PPP1R12B: variants seen among roughly 807,000 people sequenced by gnomAD.
PPP1R12B encodes myosin phosphatase target subunit 2.
A neutral mutation model predicts 126.1 loss-of-function variants in PPP1R12B; 76 were observed. The ratio of observed to expected loss-of-function variants is 0.60; its 90% CI spans 0.50 to 0.73. PPP1R12B has a LOEUF of 0.73. PPP1R12B is among the 30% of genes least tolerant of loss of function. The probability of loss-of-function intolerance (pLI) is 0.00; values close to 1 mark genes in which losing one functional copy is unlikely to be tolerated. For missense variants in PPP1R12B, 1,052 were observed against 1,205.1 expected (o/e 0.87, Z 1.88); for synonymous variants, 356 against 434.7 (o/e 0.82, Z 2.25).
intron 18 of PPP1R12B, among the ~76,000 whole-genome samples, chr1:202,517,460 A>T (rs540561162): frequency 5.4e-4 from 82 of 152,256 alleles, no homozygotes; most frequent in African/African-American, 1.9e-3. Context: ...TTTCCTAAAA[A>T]TATTGGGGCT....
intron 1 of PPP1R12B, among the ~76,000 whole-genome samples, chr1:202,359,983 C>T (rs536883712): frequency 2.0e-5 from 3 of 152,008 alleles, no homozygotes; most frequent in Admixed American, 6.6e-5. Context: ...TTGATTGATA[C>T]GTATTTTAAT....
At chr1:202,382,490 C>CAA (rs753837011) in intron 1 of PPP1R12B, among the ~76,000 whole-genome samples, 3 of 122,800 alleles carry the variant, frequency 2.4e-5, no homozygotes, top group East Asian at 4.7e-4. Context: ...AATAAAAAGG[C>CAA]AAAAAAAAAA....
At chr1:202,371,481 AGTGTGT>A (rs373210842) in intron 1 of PPP1R12B, among the ~76,000 whole-genome samples, 4 of 148,428 alleles carry the variant, frequency 2.7e-5, no homozygotes, top group African/African-American at 5.0e-5. Context: ...CATTATTTGG[AGTGTGT>A]GTGTGTGTGT....
chr1:202,368,148 T>G (rs972760501), intron 1 of PPP1R12B, among the ~76,000 whole-genome samples: 3 of 152,042 alleles, frequency 2.0e-5, no homozygotes, highest in East Asian at 1.9e-4. Flanking sequence ...TTTTTGTATT[T>G]TTAGTAGAAA....
chr1:202,398,020 T>C (rs897938552), intron 1 of PPP1R12B, among the ~76,000 whole-genome samples: 1 of 152,210 alleles, frequency 6.6e-6, no homozygotes, highest in Admixed American at 6.5e-5. Context: ...CAAGTGATTC[T>C]CCCACCTCAG....
Position 202,540,310 on chromosome 1 carries a change from C to T in PPP1R12B, c.2491-18567C>T, listed in dbSNP as rs745756198. ...AGGTAGAGAATGTGTATATATATAA[C>T]TTGGGGCATTAGGTTTAGAGCAAAG... On this transcript the variant is annotated intron_variant, in intron 18 of 23. Transcript: ENST00000608999. 1.3e-5 allele frequency: 17 copies of T among 1,299,448 alleles called. No homozygotes were observed. In the South Asian group the frequency reaches 2.3e-4, roughly 17 times the overall value. 80.5% of individuals were successfully genotyped at this position (1,299,448 alleles called of 1,614,324 possible).
chr1:202,557,383 G>T (rs1200404642), intron 18 of PPP1R12B, among the ~76,000 whole-genome samples: 1 of 152,152 alleles, frequency 6.6e-6, no homozygotes, highest in African/African-American at 2.4e-5. Flanking sequence ...GAGAAAGTAG[G>T]CAATGATAGT....
chr1:202,553,494 A>G (rs1686531737), intron 18 of PPP1R12B, among the ~76,000 whole-genome samples: 1 of 152,214 alleles, frequency 6.6e-6, no homozygotes, highest in East Asian at 1.9e-4. Flanking sequence ...TAACCTACCA[A>G]TTGGAGAAAA....
rs1283948225 is a variant in PPP1R12B at position 202,348,705 on chromosome 1, A to C, written c.-147A>C. 9.9e-7 allele frequency: 1 copy of C among 1,012,178 alleles called. No individual in the cohort carries two copies. The highest frequency in any genetic ancestry group is 3.0e-5 in the Admixed American group (1 of 33,482). 62.7% of individuals were successfully genotyped at this position (1,012,178 alleles called of 1,614,324 possible). A position where few individuals can be genotyped will look rare whatever the true frequency, so the allele number is the denominator to read the frequency against. On this transcript the variant is annotated 5_prime_UTR_variant, in exon 1 of 24. Coordinates refer to ENST00000608999, the MANE Select transcript of PPP1R12B (RefSeq NM_002481.4). ...GCCGAGGGAGCGTGCGGGCGGTACT[A>C]CTGGCGGGAGGAGTAAAGATGGCGG... is the stretch of plus-strand genomic sequence containing the variant.
intron 1 of PPP1R12B, among the ~76,000 whole-genome samples, chr1:202,378,270 G>A (rs1242961405): frequency 6.0e-5 from 3 of 49,780 alleles, no homozygotes; most frequent in African/African-American, 2.2e-4. Context: ...TTTTTTTTTG[G>A]TCTTTATTCT....
intron 1 of PPP1R12B, among the ~76,000 whole-genome samples, chr1:202,390,870 T>G (rs1167047011): frequency 6.6e-6 from 1 of 152,130 alleles, no homozygotes; most frequent in Non-Finnish European, 1.5e-5. Flanking sequence ...AAGACCAGCT[T>G]GGGGCACTAT....
At chr1:202,361,777 C>T (rs996249858) in intron 1 of PPP1R12B, among the ~76,000 whole-genome samples, 3 of 151,958 alleles carry the variant, frequency 2.0e-5, no homozygotes, top group Admixed American at 6.6e-5. Context: ...AGTAACTTGG[C>T]GGTGCAAGGA....
At chr1:202,562,480 C>T in intron 19 of PPP1R12B, 1 of 415,170 alleles carries the variant, frequency 2.4e-6, no homozygotes, top group South Asian at 2.0e-5. Flanking sequence ...CTGTTCAATC[C>T]TAAACTAATA....
At chr1:202,469,935 G>C (rs1194685602) in intron 13 of PPP1R12B, among the ~76,000 whole-genome samples, 1 of 152,158 alleles carries the variant, frequency 6.6e-6, no homozygotes, top group Non-Finnish European at 1.5e-5. Context: ...TTAGGGGTAG[G>C]AGATTACATT....
intron 18 of PPP1R12B, among the ~76,000 whole-genome samples, chr1:202,549,858 A>C (rs1686134644): frequency 6.6e-6 from 1 of 152,156 alleles, no homozygotes; most frequent in Non-Finnish European, 1.5e-5. Flanking sequence ...AAGGCTGGGC[A>C]CATACAGGTG....
chr1:202,355,238 C>G (rs1656857824), intron 1 of PPP1R12B, among the ~76,000 whole-genome samples: 1 of 152,182 alleles, frequency 6.6e-6, no homozygotes, highest in Admixed American at 6.5e-5. Context: ...TAGAGGTTTT[C>G]TTAGATTCTT....
At chr1:202,570,972 C>T (rs1688536651) in intron 23 of PPP1R12B, among the ~76,000 whole-genome samples, 1 of 152,166 alleles carries the variant, frequency 6.6e-6, no homozygotes, top group Admixed American at 6.5e-5. Context: ...AAATGCTGAT[C>T]TAGAGCATGT....
chr1:202,573,389 T>G (rs1297862133), intron 23 of PPP1R12B, among the ~76,000 whole-genome samples: 1 of 152,198 alleles, frequency 6.6e-6, no homozygotes, highest in Non-Finnish European at 1.5e-5. Context: ...TCCTTTTCAC[T>G]GTTTTTCCCC....
intron 13 of PPP1R12B, chr1:202,474,088 C>T (rs1676312807): frequency 4.4e-6 from 2 of 455,794 alleles, no homozygotes; most frequent in Non-Finnish European, 9.1e-6. Flanking sequence ...TGTGCTGTAT[C>T]TGTGGGCTTG....
Sources: gnomAD v4.1 joint callset for allele counts (sites outside exome capture counted in the v4.1 genomes callset) on GRCh38, gnomAD v4.1.1 for gene constraint, MANE v1.5 for transcripts, NCBI Gene and HGNC (gene_info 2026-07-23, HGNC 2026-07-21) for gene names.